Variants in CASR observed in about 807,000 individuals in gnomAD.
The protein encoded by CASR is extracellular calcium-sensing receptor.
In CASR, 23 loss-of-function variants were observed where a neutral mutation model predicts 69.1. The observed-to-expected ratio is 0.33, with a 90% CI of 0.24 to 0.47. CASR has a LOEUF of 0.47. Ranked by LOEUF, CASR falls within the 20% of genes least tolerant of loss-of-function variation. The pLI is 1.00. For missense variants in CASR, 924 were observed against 1,356.1 expected (o/e 0.68, Z 5.00); for synonymous variants, 541 against 544.7 (o/e 0.99, Z 0.10).
chr3:122,254,443 CA>C (rs2074532747), intron 2 of CASR, 69 bp downstream of exon 2: 2 of 1,480,578 alleles, frequency 1.4e-6, no homozygotes, highest in African/African-American at 2.8e-5. Context: ...GCACCAAACG[CA>C]AAATAATTTT....
chr3:122,193,280 G>A (rs1274088653), intron 1 of CASR, among the ~76,000 whole-genome samples: 1 of 151,604 alleles, frequency 6.6e-6, no homozygotes, highest in African/African-American at 2.4e-5. Flanking sequence ...GCAGTGGGGC[G>A]ATCTCAGCTC....
intron 1 of CASR, among the ~76,000 whole-genome samples, chr3:122,220,653 G>T (rs1313868329): frequency 1.3e-5 from 2 of 152,174 alleles, no homozygotes; most frequent in Non-Finnish European, 2.9e-5. Flanking sequence ...TCCTCTTCTT[G>T]GTGATTCAAC....
At chr3:122,189,755 A>G (rs547950786) in intron 1 of CASR, among the ~76,000 whole-genome samples, 1 of 152,228 alleles carries the variant, frequency 6.6e-6, no homozygotes, top group Non-Finnish European at 1.5e-5. Context: ...TTTGTTTTTC[A>G]TGTAGGTAGA....
intron 4 of CASR, among the ~76,000 whole-genome samples, chr3:122,264,851 G>A (rs540980539): frequency 6.6e-6 from 1 of 152,260 alleles, no homozygotes; most frequent in Admixed American, 6.5e-5. Flanking sequence ...AAATCAACTA[G>A]CAATTATTCA....
At chr3:122,248,381 TC>T (rs1020138296) in intron 1 of CASR, among the ~76,000 whole-genome samples, 5 of 147,642 alleles carry the variant, frequency 3.4e-5, no homozygotes, top group African/African-American at 1.2e-4. Flanking sequence ...TTAAACTTTT[TC>T]AGGTTTATTT....
chr3:122,217,640 CCAAA>C (rs2074130593), intron 1 of CASR, among the ~76,000 whole-genome samples: 1 of 152,122 alleles, frequency 6.6e-6, no homozygotes, highest in Admixed American at 6.6e-5. Flanking sequence ...TCATCTTACA[CCAAA>C]CAGAGAAATC....
chr3:122,233,377 A>AT (rs1006289689), intron 1 of CASR, among the ~76,000 whole-genome samples: 13 of 152,230 alleles, frequency 8.5e-5, no homozygotes, highest in African/African-American at 2.9e-4. Flanking sequence ...TTGTCTCACC[A>AT]GTTCCAGCCC....
At chr3:122,194,977 T>C (rs1177606679) in intron 1 of CASR, among the ~76,000 whole-genome samples, 1 of 147,064 alleles carries the variant, frequency 6.8e-6, no homozygotes, top group Non-Finnish European at 1.5e-5. Flanking sequence ...TTCTTCTTCT[T>C]ACTTTTTCCT....
Position 122,254,109 on chromosome 3 carries a change from G to T in CASR, c.-81G>T. 1.6e-6 allele frequency: 2 copies of T among 1,287,712 alleles called. No homozygotes were observed. Among genetic ancestry groups the T allele is most frequent in the South Asian group, 1.2e-5 (1 of 84,298 alleles). 79.8% of individuals were successfully genotyped at this position (1,287,712 alleles called of 1,614,324 possible). A position where few individuals can be genotyped will look rare whatever the true frequency, so the allele number is the denominator to read the frequency against. ...GACATGTGTCCCCACTGCAGGGAGT[G>T]AACTGCTCCAAGGGAGAAACTTCTG... On this transcript the variant is annotated 5_prime_UTR_variant, in exon 2 of 7. The change abolishes the stop of an existing upstream ORF in the 5' untranslated region. Coordinates refer to ENST00000639785, the MANE Select transcript of CASR (RefSeq NM_000388.4).
intron 1 of CASR, among the ~76,000 whole-genome samples, chr3:122,250,111 G>A (rs1341979196): frequency 6.6e-6 from 1 of 152,170 alleles, no homozygotes; most frequent in Non-Finnish European, 1.5e-5. Context: ...GGAAGGTGAT[G>A]GGAGCTGGAC....
intron 1 of CASR, among the ~76,000 whole-genome samples, chr3:122,189,494 T>TC (rs1309302372): frequency 6.6e-6 from 1 of 152,168 alleles, no homozygotes; most frequent in East Asian, 1.9e-4. Context: ...TATGATTGAT[T>TC]TTTTTTCCCT....
intron 1 of CASR, among the ~76,000 whole-genome samples, chr3:122,208,201 T>C (rs2074028066): frequency 6.6e-6 from 1 of 152,184 alleles, no homozygotes; most frequent in Non-Finnish European, 1.5e-5. Flanking sequence ...TTATACTTTA[T>C]ATCAAGCAAC....
Position 122,262,179 on chromosome 3 carries a change from G to T in CASR, c.1144G>T (p.Asp382Tyr). The change falls in exon 4 of 7, where the codon GAC becomes TAC. Residue 382 changes from aspartate (D) to tyrosine (Y), a missense_variant. Asp to Tyr is a radical substitution (Grantham distance 160). Coordinates refer to ENST00000639785, the MANE Select transcript of CASR (RefSeq NM_000388.4). The part of the protein sequence containing the change: ...TFLRGHEESG[D>Y]RFSNSSTAFR... Reference sequence around the variant, plus strand: ...TCTGAGAGGTCACGAAGAAAGTGGCGACAGGTTTAGCAACAGCTCGACAGC... The same window carrying T: ...TCTGAGAGGTCACGAAGAAAGTGGCTACAGGTTTAGCAACAGCTCGACAGC... 6.2e-7 allele frequency: 1 copy of T among 1,614,160 alleles called. No individual in the cohort carries two copies. The highest frequency in any genetic ancestry group is 8.5e-7 in the Non-Finnish European group (1 of 1,180,020).
intron 1 of CASR, among the ~76,000 whole-genome samples, chr3:122,194,245 C>T (rs977106126): frequency 2.6e-5 from 4 of 152,178 alleles, no homozygotes; most frequent in Non-Finnish European, 5.9e-5. Context: ...AGCCCACACT[C>T]AGCTGCATCT....
At chr3:122,279,988 T>A (rs188440320) in intron 5 of CASR, among the ~76,000 whole-genome samples, 2 of 152,160 alleles carry the variant, frequency 1.3e-5, no homozygotes, top group Non-Finnish European at 1.5e-5. Context: ...AGTGTTGTTC[T>A]CCACCCTGTG....
rs539222422 is a variant in CASR, at chr3:122,238,217, G to T, written c.-242-15731G>T. On this transcript the variant is annotated intron_variant, in intron 1 of 6. Coordinates refer to ENST00000639785, the MANE Select transcript of CASR (RefSeq NM_000388.4). ...CTCCCCTATCCCCCCAGCAGTGGCC[G>T]TGTGGTGCAAGAGAAAATCTGTGCA... 2.0e-5 allele frequency among the ~76,000 whole-genome samples: 3 copies of T among 152,198 alleles called. No individual in the cohort carries two copies. The East Asian group carries it at 5.8e-4, about 29-fold the overall frequency.
At chr3:122,208,616 T>C (rs916044274) in intron 1 of CASR, among the ~76,000 whole-genome samples, 4 of 152,174 alleles carry the variant, frequency 2.6e-5, no homozygotes, top group African/African-American at 9.7e-5. Context: ...TTAATGATAT[T>C]TCCTTCAACT....
rs536864176 is a variant in CASR at position 122,232,343 on chromosome 3, G to A, written c.-242-21605G>A. On this transcript the variant is annotated intron_variant, in intron 1 of 6. Coordinates refer to ENST00000639785, the MANE Select transcript of CASR (RefSeq NM_000388.4). ...CCACGCAGATGCAGAGAGCACGAGA[G>A]TGAGGCCTGGAGAACCAGGAGGGGC... Among the ~76,000 whole-genome samples the A allele has an allele frequency of 3.9e-5, 6 of 152,304 alleles. No homozygotes were observed. The South Asian group carries it at 1.2e-3, about 32-fold the overall frequency.
Position 122,284,662 on chromosome 3 carries a change from G to A in CASR, c.2708G>A (p.Gly903Glu), listed in dbSNP as rs1289794304. Reference protein sequence around the residue: ...NVSRKRSSSLGGSTGSTPSSS... With the variant: ...NVSRKRSSSLEGSTGSTPSSS... ...TCCCGCAAGCGGTCCAGCAGCCTTG[G>A]AGGCTCCACGGGATCCACCCCCTCC... The change falls in exon 7 of 7, where the codon GGA (glycine) becomes GAA (glutamate). Residue 903 changes from glycine (G) to glutamate (E), a missense_variant. Transcript: ENST00000639785. The A allele has an allele frequency of 1.2e-6, 2 of 1,613,748 alleles. No individual in the cohort carries two copies. Among genetic ancestry groups the A allele is most frequent in the South Asian group, 2.2e-5 (2 of 91,052 alleles).
Sources: allele counts gnomAD v4.1 joint callset (sites outside exome capture counted in the v4.1 genomes callset), GRCh38; gene constraint gnomAD v4.1.1; transcripts MANE v1.5; gene names NCBI Gene and HGNC (gene_info 2026-07-23, HGNC 2026-07-21).